TJAP1: variants seen among roughly 807,000 people sequenced by gnomAD.
TJAP1 encodes the protein tight junction associated protein 1.
Under a neutral mutation model 42.0 loss-of-function variants are expected in TJAP1, and 27 were observed. The ratio of observed to expected loss-of-function variants is 0.64; its 90% CI spans 0.47 to 0.89. The LOEUF is 0.89. Among genes scored for constraint, TJAP1 ranks in the 40% least tolerant of loss-of-function variants. TJAP1 has a pLI of 0.00. For synonymous variants in TJAP1, 257 were observed against 288.4 expected (o/e 0.89, Z 1.10); for missense variants, 712 against 726.9 (o/e 0.98, Z 0.24).
intron 2 of TJAP1, among the ~76,000 whole-genome samples, chr6:43,496,664 TG>T (rs1425399099): frequency 6.6e-6 from 1 of 151,712 alleles, no homozygotes; most frequent in African/African-American, 2.4e-5. Flanking sequence ...CGGGCCCTGT[TG>T]GAATGTGACA....
chr6:43,482,926 A>G (rs1244853185), intron 2 of TJAP1, among the ~76,000 whole-genome samples: 1 of 152,124 alleles, frequency 6.6e-6, no homozygotes, highest in Non-Finnish European at 1.5e-5. Context: ...GTTCGAGACC[A>G]GCCTGATGAA....
chr6:43,496,357 G>T (rs933689901), intron 2 of TJAP1, among the ~76,000 whole-genome samples: 2 of 152,170 alleles, frequency 1.3e-5, no homozygotes, highest in Admixed American at 1.3e-4. Context: ...TGGAGGGGCA[G>T]CCCCAAGGAA....
At chr6:43,502,771 C>G (rs1274954950) in intron 8 of TJAP1, 154 bp downstream of exon 8, 2 of 864,834 alleles carry the variant, frequency 2.3e-6, no homozygotes, top group Non-Finnish European at 3.8e-6. Context: ...CAATGCCTCC[C>G]TCCCAGGAGA....
In TJAP1 at chr6:43,505,020, C is replaced by T; in HGVS notation, c.839C>T (p.Pro280Leu). 6.2e-7 allele frequency: 1 copy of T among 1,614,108 alleles called. No homozygotes were observed. Among genetic ancestry groups the T allele is most frequent in the Non-Finnish European group, 8.5e-7 (1 of 1,180,034 alleles). Residue 280 changes from proline to leucine, a missense_variant, in exon 11 of 11, where the codon CCT (proline) becomes CTT (leucine). Around this residue, in one of 3 missense-constraint regions of TJAP1, gnomAD observed 549 missense variants for 528.2 expected, o/e 1.04. Transcript: ENST00000372449. The surrounding 1 kb of genome is among the most constrained non-coding windows in gnomAD (Gnocchi z 5.5). ...GGTGATCCAGCCAGTCCCCCGGCCC[C>T]TGGCAGCCCCACCCCACAACCCAAT...
At chr6:43,498,851 A>C in intron 3 of TJAP1, 127 bp from the exon 4 acceptor site, 1 of 992,268 alleles carries the variant, frequency 1.0e-6, no homozygotes, top group Non-Finnish European at 1.5e-6. Flanking sequence ...GACTCCAGTA[A>C]TGGCCCAGGC....
intron 3 of TJAP1, among the ~76,000 whole-genome samples, chr6:43,498,198 G>T (rs1373351748): frequency 1.3e-5 from 2 of 152,170 alleles, no homozygotes; most frequent in Non-Finnish European, 1.5e-5. Flanking sequence ...TTTTGGTTAT[G>T]ATTTTTTTTA....
intron 10 of TJAP1, chr6:43,504,255 T>G (rs919747821): frequency 8.4e-5 from 19 of 226,748 alleles, no homozygotes; most frequent in Non-Finnish European, 1.3e-4. Flanking sequence ...GCTGGAATTA[T>G]AGGCGCCCAC....
chr6:43,500,645 G>T, intron 4 of TJAP1, 99 bp from the exon 5 acceptor site: 1 of 1,350,974 alleles, frequency 7.4e-7, no homozygotes, highest in Non-Finnish European at 1.1e-6. Context: ...AAGAGTCTTT[G>T]GGCTTCACAC....
rs116620976 is a variant in TJAP1, at chr6:43,491,179, C to T, written c.-121-6702C>T. On this transcript the variant is annotated intron_variant, in intron 2 of 10. Transcript: ENST00000372449. This position sits in a 1 kb window ranked among gnomAD's most constrained non-coding sequence, Gnocchi z 4.6. ...AATGGGAGAGGGTGTGTTATGGGCC[C>T]GGAGCGAGGAGGATAGCACTCCTGA... 7.1e-3 allele frequency among the ~76,000 whole-genome samples: 1,076 copies of T among 150,582 alleles called. 13 individuals are homozygous for T. The highest frequency in any genetic ancestry group is 0.025 in the African/African-American group (1,038 of 40,878).
At chr6:43,501,943 T>A (rs1386530276) in intron 6 of TJAP1, among the ~76,000 whole-genome samples, 5 of 148,468 alleles carry the variant, frequency 3.4e-5, no homozygotes, top group East Asian at 2.3e-4. Flanking sequence ...TCTCTCTCTC[T>A]CTCTCTCTCT....
chr6:43,500,767 G>T, exon 5 of TJAP1: 1 of 1,614,178 alleles, frequency 6.2e-7, no homozygotes, highest in South Asian at 1.1e-5. Context: ...ATGCAGAAAG[G>T]ATGAAGTGAG....
chr6:43,506,019 G>C, exon 11 of TJAP1: 2 of 604,692 alleles, frequency 3.3e-6, no homozygotes, highest in East Asian at 3.2e-5. Flanking sequence ...TGCCAGGCCT[G>C]TCAGCTGCGT....
intron 5 of TJAP1, chr6:43,501,210 C>A: frequency 2.5e-6 from 1 of 393,434 alleles, no homozygotes; most frequent in Non-Finnish European, 4.6e-6. Flanking sequence ...CTGACATGGG[C>A]TGTAACCAGA....
exon 11 of TJAP1, chr6:43,506,239 G>A (rs1215410615): frequency 1.8e-5 from 3 of 167,282 alleles, no homozygotes; most frequent in African/African-American, 7.1e-5. Context: ...TTTTTTTGGG[G>A]GTGATGGTGT....
intron 2 of TJAP1, among the ~76,000 whole-genome samples, chr6:43,481,517 C>T (rs1785315028): frequency 7.3e-6 from 1 of 136,562 alleles, no homozygotes; most frequent in South Asian, 2.5e-4. Flanking sequence ...CAGTCAATGT[C>T]TTTCCTGAAT....
At chr6:43,489,190 A>G (rs963717619) in intron 2 of TJAP1, among the ~76,000 whole-genome samples, 5 of 152,208 alleles carry the variant, frequency 3.3e-5, no homozygotes, top group African/African-American at 1.2e-4. Context: ...TCTGTGAGCT[A>G]GAGGTGTCAC....
rs767831708 is a variant in TJAP1 at position 43,505,727 on chromosome 6, G to A, written c.1546G>A (p.Glu516Lys). 6 of 1,563,322 alleles carry A rather than the reference G, an allele frequency of 3.8e-6. No individual in the cohort carries two copies. Among genetic ancestry groups the A allele is most frequent in the Admixed American group, 3.6e-5 (2 of 54,822 alleles). Residue 516 changes from glutamate to lysine, a missense_variant, in exon 11 of 11, where the codon GAG (glutamate) becomes AAG (lysine). By Grantham distance (56) the Glu-to-Lys change is moderately conservative. This residue lies in a region of TJAP1 where 549 missense variants were observed against 528.2 expected (regional missense o/e 1.04). Transcript: ENST00000372449. This position sits in a 1 kb window ranked among gnomAD's most constrained non-coding sequence, Gnocchi z 5.5. ...GGAGGGGCCAGGCACTTCCCACACC[G>A]AGGGCAGGGCCTGGCCACTCCCCAG...
intron 1 of TJAP1, among the ~76,000 whole-genome samples, 185 bp downstream of exon 1, chr6:43,477,813 A>G (rs1307560122): frequency 6.9e-6 from 1 of 145,640 alleles, no homozygotes; most frequent in Non-Finnish European, 1.5e-5. Context: ...CCTAGGGTCC[A>G]GTGGCAGCCC....
At chr6:43,503,652 T>C (rs1296305813) in exon 10 of TJAP1, 5 of 1,614,056 alleles carry the variant, frequency 3.1e-6, no homozygotes, top group Non-Finnish European at 4.2e-6. Context: ...GCAACCTGGC[T>C]GTACAGCTCC....
Sources: gnomAD v4.1 joint callset for allele counts (sites outside exome capture counted in the v4.1 genomes callset) on GRCh38, gnomAD v4.1.1 for gene constraint, gnomAD v4.1.1 regional missense constraint, Gnocchi (gnomAD v3.1) non-coding constraint, MANE v1.5 for transcripts, NCBI Gene and HGNC (gene_info 2026-07-23, HGNC 2026-07-21) for gene names.